Variants in PDPN observed in about 807,000 individuals in gnomAD.
The protein encoded by PDPN is PA2.26 antigen.
Under a neutral mutation model 23.2 loss-of-function variants are expected in PDPN, and 12 were observed. The ratio of observed to expected loss-of-function variants is 0.52; its 90% CI spans 0.33 to 0.84. The LOEUF is 0.84. Ranked by LOEUF, PDPN falls within the 40% of genes least tolerant of loss-of-function variation. The pLI is 0.02. For missense variants in PDPN, 199 were observed against 212.2 expected, an observed-to-expected ratio of 0.94 and a Z score of 0.39; for synonymous variants, 77 against 76.7, an observed-to-expected ratio of 1.00 and a Z score of -0.02.
At position 13,607,277 on chromosome 1, in the gene PDPN, G is replaced by C. The variant is rs747172075; in HGVS notation, c.172G>C (p.Asp58His). ...DDVVTPGTSEDRYKSGLTTLV... is the reference protein window; with the variant it reads ...DDVVTPGTSEHRYKSGLTTLV... ...TGTGGTGACTCCAGGAACCAGCGAAGACCGCTATAAGTCTGGCTTGACAAC... is the reference window on the plus strand; with the variant it reads ...TGTGGTGACTCCAGGAACCAGCGAACACCGCTATAAGTCTGGCTTGACAAC... Residue 58 changes from aspartate (D) to histidine (H), a missense_variant, in exon 2 of 6, where the codon GAC becomes CAC. Physicochemically the swap from Asp to His is moderately conservative, Grantham distance 81. Transcript: ENST00000621990. The C allele has an allele frequency of 6.2e-7, 1 of 1,614,176 alleles. No individual in the cohort carries two copies. Among genetic ancestry groups the C allele is most frequent in the South Asian group, 1.1e-5 (1 of 91,082 alleles).
intron 1 of PDPN, among the ~76,000 whole-genome samples, chr1:13,601,350 C>T (rs1029374631): frequency 5.9e-5 from 9 of 152,168 alleles, no homozygotes; most frequent in African/African-American, 2.2e-4. Context: ...TCTCCTGTAA[C>T]TGTGACATAG....
At chr1:13,587,735 C>T (rs1148455) in intron 1 of PDPN, among the ~76,000 whole-genome samples, 56,380 of 151,912 alleles carry the variant, frequency 0.37, 11,744 homozygotes, top group East Asian at 0.61. Flanking sequence ...GATACAGCTC[C>T]GTGATTAGGC....
At chr1:13,595,978 A>G (rs1570025352) in intron 1 of PDPN, 4 of 725,096 alleles carry the variant, frequency 5.5e-6, no homozygotes, top group South Asian at 3.0e-5. Context: ...CGGGCAGATC[A>G]CCTGAGGTCA....
intron 1 of PDPN, among the ~76,000 whole-genome samples, chr1:13,587,313 T>C (rs1315460974): frequency 1.3e-5 from 2 of 152,226 alleles, no homozygotes; most frequent in East Asian, 1.9e-4. Context: ...GTATGCACTT[T>C]TGAGAGAGGC....
chr1:13,604,536 T>C (rs1207720491), intron 1 of PDPN, among the ~76,000 whole-genome samples: 1 of 152,224 alleles, frequency 6.6e-6, no homozygotes, highest in East Asian at 1.9e-4. Context: ...AAGGAATTTT[T>C]ATAAAGTTAC....
At chr1:13,615,315 T>TA (rs760105143) in intron 5 of PDPN, among the ~76,000 whole-genome samples, 1 of 150,670 alleles carries the variant, frequency 6.6e-6, no homozygotes, top group Non-Finnish European at 1.5e-5. Flanking sequence ...TTTGAGACAG[T>TA]CTTGCTCTGT....
intron 1 of PDPN, among the ~76,000 whole-genome samples, chr1:13,601,099 T>C (rs908468579): frequency 2.0e-5 from 3 of 152,338 alleles, no homozygotes; most frequent in African/African-American, 7.2e-5. Flanking sequence ...CGACCCCAAA[T>C]GCACCTGTTT....
chr1:13,613,754 C>A lies in PDPN; in HGVS notation c.370+29C>A, dbSNP rs577709475. Reference sequence around the variant, plus strand: ...GGCTAGATTTTGGCATCAAAATACTCTTACTGGGGTTTTTTAAAAATTTCT... The same window carrying A: ...GGCTAGATTTTGGCATCAAAATACTATTACTGGGGTTTTTTAAAAATTTCT... On this transcript the variant is annotated intron_variant, in intron 4 of 5. Transcript: ENST00000621990. 3.8e-6 allele frequency: 5 copies of A among 1,309,564 alleles called. No homozygotes were observed. In the Admixed American group the frequency reaches 7.0e-5, roughly 18 times the overall value. The allele number at this position is 1,309,564 out of a possible 1,614,324, so 81.1% of individuals were successfully genotyped here.
chr1:13,611,282 C>G (rs1353896713), intron 3 of PDPN, among the ~76,000 whole-genome samples: 1 of 150,846 alleles, frequency 6.6e-6, no homozygotes, highest in Non-Finnish European at 1.5e-5. Flanking sequence ...TTTTTGTACC[C>G]CCATGTTTAT....
At chr1:13,605,732 C>A (rs940837455) in intron 1 of PDPN, among the ~76,000 whole-genome samples, 1 of 152,174 alleles carries the variant, frequency 6.6e-6, no homozygotes, top group Non-Finnish European at 1.5e-5. Context: ...AAGCGATTCT[C>A]CTGCCTCAGC....
intron 5 of PDPN, among the ~76,000 whole-genome samples, chr1:13,615,457 T>C (rs1641047799): frequency 6.6e-6 from 1 of 152,028 alleles, no homozygotes; most frequent in Non-Finnish European, 1.5e-5. Flanking sequence ...GGCTAATTTT[T>C]TGTATTTTTT....
chr1:13,597,842 G>A (rs1640535086), intron 1 of PDPN, among the ~76,000 whole-genome samples: 1 of 151,916 alleles, frequency 6.6e-6, no homozygotes, highest in African/African-American at 2.4e-5. Flanking sequence ...AGGCATGGTG[G>A]TACGCACTTA....
chr1:13,599,373 CT>C (rs70984267), intron 1 of PDPN, among the ~76,000 whole-genome samples: 1,203 of 76,914 alleles, frequency 0.016, no homozygotes, highest in African/African-American at 0.037. Flanking sequence ...GAGAAGCTAT[CT>C]TTTTTTTTTT....
intron 1 of PDPN, chr1:13,595,867 A>G (rs1456692005): frequency 7.8e-7 from 1 of 1,288,408 alleles, no homozygotes; most frequent in Non-Finnish European, 1.0e-6. Context: ...CCTGGTGGAC[A>G]GCGGCAGGGA....
chr1:13,598,173 G>A (rs920339103), intron 1 of PDPN, among the ~76,000 whole-genome samples: 2 of 151,924 alleles, frequency 1.3e-5, no homozygotes, highest in East Asian at 1.9e-4. Flanking sequence ...AAGCCACCAC[G>A]CCTGGCTAAT....
intron 2 of PDPN, among the ~76,000 whole-genome samples, chr1:13,608,041 G>A (rs1371160850): frequency 6.6e-6 from 1 of 152,140 alleles, no homozygotes; most frequent in African/African-American, 2.4e-5. Context: ...GGAGGTGGAG[G>A]TTGCAGTGAG....
chr1:13,609,671 G>T (rs1298642904), intron 2 of PDPN, among the ~76,000 whole-genome samples: 3 of 152,238 alleles, frequency 2.0e-5, no homozygotes, highest in Middle Eastern at 3.4e-3. Flanking sequence ...CATGTAAGTG[G>T]AATCATATAG....
At chr1:13,591,956 C>A (rs1640358678) in intron 1 of PDPN, among the ~76,000 whole-genome samples, 1 of 152,242 alleles carries the variant, frequency 6.6e-6, no homozygotes, top group South Asian at 2.1e-4. Context: ...TTCTCCACAT[C>A]CCCACCAACA....
At chr1:13,596,889 G>A (rs1046587854) in intron 1 of PDPN, among the ~76,000 whole-genome samples, 7 of 152,188 alleles carry the variant, frequency 4.6e-5, no homozygotes, top group African/African-American at 1.4e-4. Flanking sequence ...CTGAAGGACT[G>A]TAGAGAGATA....
Sources: gnomAD v4.1 joint callset for allele counts (sites outside exome capture counted in the v4.1 genomes callset) on GRCh38, gnomAD v4.1.1 for gene constraint, MANE v1.5 for transcripts, NCBI Gene and HGNC (gene_info 2026-07-23, HGNC 2026-07-21) for gene names.